The following SLC41A2 variants were observed in gnomAD, a reference collection of about 807,000 sequenced individuals.
SLC41A2 encodes solute carrier family 41 member 2, also known as SLC41A1-like 1.
A neutral mutation model predicts 58.3 loss-of-function variants in SLC41A2; 32 were observed. That is an observed-to-expected ratio of 0.55 (90% CI 0.41 to 0.74). The LOEUF (loss-of-function observed/expected upper bound fraction) is 0.74. SLC41A2 is among the 30% of genes least tolerant of loss of function. The pLI is 0.00. For synonymous variants in SLC41A2, 190 were observed against 235.0 expected (o/e 0.81, Z 1.75); for missense variants, 514 against 680.6 (o/e 0.76, Z 2.72).
chr12:104,948,583 C>A (rs1298855744), intron 1 of SLC41A2, among the ~76,000 whole-genome samples: 2 of 152,066 alleles, frequency 1.3e-5, no homozygotes, highest in Non-Finnish European at 2.9e-5. Context: ...AAATAATATG[C>A]CCAAAGTTAC....
chr12:104,948,005 T>A (rs1005420946), intron 1 of SLC41A2, among the ~76,000 whole-genome samples: 4 of 152,168 alleles, frequency 2.6e-5, no homozygotes, highest in Non-Finnish European at 5.9e-5. Context: ...ATTCCACTAA[T>A]CTAGAAATGT....
chr12:104,821,689 C>CA (rs1315350175), intron 10 of SLC41A2, among the ~76,000 whole-genome samples: 1 of 152,100 alleles, frequency 6.6e-6, no homozygotes, highest in Non-Finnish European at 1.5e-5. Flanking sequence ...CAAATACACA[C>CA]AGTAAAATAA....
chr12:104,848,377 T>C (rs1353907567), intron 8 of SLC41A2, among the ~76,000 whole-genome samples: 1 of 151,992 alleles, frequency 6.6e-6, no homozygotes, highest in African/African-American at 2.4e-5. Flanking sequence ...AAAGCTTTCA[T>C]ATCAATGATC....
At chr12:104,813,388 G>A (rs1189563902) in intron 10 of SLC41A2, among the ~76,000 whole-genome samples, 1 of 152,088 alleles carries the variant, frequency 6.6e-6, no homozygotes, top group Non-Finnish European at 1.5e-5. Context: ...ACACTAGGAG[G>A]ATGGAAGGTG....
chr12:104,826,578 C>T (rs941948534), intron 10 of SLC41A2, among the ~76,000 whole-genome samples: 2 of 152,144 alleles, frequency 1.3e-5, no homozygotes, highest in African/African-American at 4.8e-5. Flanking sequence ...TATCCAACTT[C>T]AGCCTCTCCC....
At chr12:104,835,407 T>C (rs955209983) in intron 10 of SLC41A2, among the ~76,000 whole-genome samples, 1 of 152,224 alleles carries the variant, frequency 6.6e-6, no homozygotes, top group Non-Finnish European at 1.5e-5. Flanking sequence ...ACCTATAATT[T>C]CTAACCTTAT....
chr12:104,929,206 A>G (rs2046965053), intron 1 of SLC41A2, among the ~76,000 whole-genome samples: 1 of 152,196 alleles, frequency 6.6e-6, no homozygotes, highest in African/African-American at 2.4e-5. Context: ...GATGATGTTT[A>G]CTATAAAAAC....
rs2040778789 is a variant in SLC41A2, at chr12:104,803,721, A to C, written c.*1431T>G. The C allele has an allele frequency of 6.6e-6, 1 of 152,170 alleles. No homozygotes were observed. The highest frequency in any genetic ancestry group is 2.4e-5 in the African/African-American group (1 of 41,444). 9.4% of individuals were successfully genotyped at this position (152,170 alleles called of 1,614,324 possible). On this transcript the variant is annotated 3_prime_UTR_variant, in exon 11 of 11. Coordinates refer to ENST00000258538, the MANE Select transcript of SLC41A2 (RefSeq NM_001352171.3). ...AAGGTGTTGGTCAAGTGTTTAGAATATAGGCCAGAGTTTTAGAAAAATTAT... is the reference window on the plus strand; with the variant it reads ...AAGGTGTTGGTCAAGTGTTTAGAATCTAGGCCAGAGTTTTAGAAAAATTAT...
chr12:104,882,032 G>A (rs981509453), intron 6 of SLC41A2, among the ~76,000 whole-genome samples: 3 of 152,140 alleles, frequency 2.0e-5, no homozygotes, highest in African/African-American at 7.2e-5. Flanking sequence ...AGGACTGTAA[G>A]CTCTTCTTGT....
Position 104,958,129 on chromosome 12 carries a change from G to C in SLC41A2, c.-209C>G, listed in dbSNP as rs1179927192. 2 of 152,182 alleles carry C rather than the reference G, an allele frequency of 1.3e-5. No individual in the cohort carries two copies. The highest frequency in any genetic ancestry group is 4.8e-5 in the African/African-American group (2 of 41,394). 9.4% of individuals were successfully genotyped at this position (152,182 alleles called of 1,614,324 possible). ...CGGCGGCAGCGGCCGGTGTGAGAAG[G>C]GTCCCCGTCTCCTCAGACCAGACCG... On this transcript the variant is annotated 5_prime_UTR_variant, in exon 1 of 11. Coordinates refer to ENST00000258538, the MANE Select transcript of SLC41A2 (RefSeq NM_001352171.3).
chr12:104,853,361 C>T (rs1419422850), intron 8 of SLC41A2, among the ~76,000 whole-genome samples: 1 of 152,154 alleles, frequency 6.6e-6, no homozygotes, highest in Non-Finnish European at 1.5e-5. Context: ...CTTCCTATAT[C>T]CCTACCTGTT....
Position 104,802,096 on chromosome 12 carries a change from T to A in SLC41A2, c.*3056A>T, listed in dbSNP as rs2040726738. Among the ~76,000 whole-genome samples the A allele has an allele frequency of 6.6e-6, 1 of 152,196 alleles. No homozygotes were observed. The highest frequency in any genetic ancestry group is 2.4e-5 in the African/African-American group (1 of 41,458). On this transcript the variant is annotated 3_prime_UTR_variant, in exon 11 of 11. Transcript: ENST00000258538. ...ATTTGGCTATATCATTGATAGTCTATGGTGTGGAATTTTTGGACACCTACC... is the reference window on the plus strand; with the variant it reads ...ATTTGGCTATATCATTGATAGTCTAAGGTGTGGAATTTTTGGACACCTACC...
chr12:104,853,487 A>T (rs991919352), intron 8 of SLC41A2, among the ~76,000 whole-genome samples: 1 of 152,100 alleles, frequency 6.6e-6, no homozygotes, highest in Non-Finnish European at 1.5e-5. Context: ...TGGAGGAGAA[A>T]TATTTTCCAT....
intron 8 of SLC41A2, among the ~76,000 whole-genome samples, chr12:104,848,103 G>A (rs2042674024): frequency 1.3e-5 from 2 of 152,090 alleles, no homozygotes; most frequent in Admixed American, 1.3e-4. Context: ...CATAAGACAA[G>A]TCTCAATAAA....
intron 1 of SLC41A2, among the ~76,000 whole-genome samples, chr12:104,955,016 CTTTTTT>C (rs375969264): frequency 3.7e-4 from 29 of 79,174 alleles, no homozygotes; most frequent in African/African-American, 1.2e-3. Context: ...TTGGCCCTTG[CTTTTTT>C]TTTTTTTTTT....
intron 10 of SLC41A2, among the ~76,000 whole-genome samples, chr12:104,841,743 A>G (rs1030095050): frequency 6.6e-6 from 1 of 152,132 alleles, no homozygotes; most frequent in Non-Finnish European, 1.5e-5. Context: ...GGTTCCTTCA[A>G]ATAGATTTCC....
intron 3 of SLC41A2, among the ~76,000 whole-genome samples, chr12:104,902,967 C>T (rs1319967188): frequency 6.6e-6 from 1 of 152,112 alleles, no homozygotes; most frequent in Non-Finnish European, 1.5e-5. Flanking sequence ...AAGAATATAC[C>T]ATGTTATCAT....
At chr12:104,925,415 G>A (rs886964440) in intron 2 of SLC41A2, among the ~76,000 whole-genome samples, 5 of 151,838 alleles carry the variant, frequency 3.3e-5, no homozygotes, top group Admixed American at 1.3e-4. Flanking sequence ...AAAATTAGCC[G>A]GGCGCGGTGG....
At chr12:104,915,776 G>C (rs2046290827) in intron 2 of SLC41A2, among the ~76,000 whole-genome samples, 1 of 151,944 alleles carries the variant, frequency 6.6e-6, no homozygotes, top group South Asian at 2.1e-4. Flanking sequence ...TCTCCTGCCT[G>C]ATTGCCCTGG....
Sources: allele counts gnomAD v4.1 joint callset (sites outside exome capture counted in the v4.1 genomes callset), GRCh38; gene constraint gnomAD v4.1.1; transcripts MANE v1.5; gene names NCBI Gene and HGNC (gene_info 2026-07-23, HGNC 2026-07-21).